Variants in CPNE9 observed in about 807,000 individuals in gnomAD.
The protein encoded by CPNE9 is copine-9.
Under a neutral mutation model 83.0 loss-of-function variants are expected in CPNE9, and 59 were observed. The observed-to-expected ratio is 0.71, with a 90% CI of 0.58 to 0.88. CPNE9 has a LOEUF of 0.88. Ranked by LOEUF, CPNE9 falls within the 40% of genes least tolerant of loss-of-function variation. CPNE9 has a pLI of 0.00. For synonymous variants in CPNE9, 256 were observed against 273.4 expected (o/e 0.94, Z 0.63); for missense variants, 619 against 720.8 (o/e 0.86, Z 1.62).
Position 9,715,496 on chromosome 3 carries a change from TAAG to T in CPNE9, c.801_803del (p.Lys268del), listed in dbSNP as rs752381863. The T allele has an allele frequency of 1.8e-5, 29 of 1,614,026 alleles. No individual in the cohort carries two copies. The highest frequency in any genetic ancestry group is 2.7e-5 in the African/African-American group (2 of 75,028). Reference sequence around the variant, plus strand: ...AGGTTCTTAACCCTCGGAAGAAATGTAAGAAGAAGAAATATGTCAACTCAGGAA... The same window carrying T: ...AGGTTCTTAACCCTCGGAAGAAATGTAAGAAGAAATATGTCAACTCAGGAA... On this transcript the variant is annotated inframe_deletion, in exon 13 of 21. Transcript: ENST00000383832.
At chr3:9,727,261 T>C in intron 20 of CPNE9, 75 bp downstream of exon 20, 4 of 1,462,866 alleles carry the variant, frequency 2.7e-6, no homozygotes, top group Non-Finnish European at 2.9e-6. Flanking sequence ...CCACTTTCAC[T>C]TACTGCCTTC....
chr3:9,710,625 G>A (rs1232901771), intron 7 of CPNE9, among the ~76,000 whole-genome samples: 1 of 152,186 alleles, frequency 6.6e-6, no homozygotes, highest in Non-Finnish European at 1.5e-5. Context: ...AGACAAGTTC[G>A]CATAATTGTG....
In CPNE9 at chr3:9,729,677, T is replaced by G. The variant is rs1376606123; in HGVS notation, c.1647T>G (p.Ala549=). 12 of 1,612,890 alleles carry G rather than the reference T, an allele frequency of 7.4e-6. No individual in the cohort carries two copies. In the East Asian group the frequency reaches 2.2e-4, roughly 30 times the overall value. ...PPPANPSPIP[A]PEQP ...CTGCCAACCCCAGCCCGATCCCAGCTCCAGAGCAGCCCTGAGGATTCCACA... is the reference window on the plus strand; with the variant it reads ...CTGCCAACCCCAGCCCGATCCCAGCGCCAGAGCAGCCCTGAGGATTCCACA... Residue 549 remains alanine (A), a synonymous_variant, in exon 21 of 21, where the codon GCT becomes GCG. Transcript: ENST00000383832.
At chr3:9,707,906 A>G (rs7644974) in intron 7 of CPNE9, among the ~76,000 whole-genome samples, 17,258 of 152,062 alleles carry the variant, frequency 0.11, 1,841 homozygotes, top group African/African-American at 0.27. Flanking sequence ...TTAGACATCC[A>G]AGTGGAGGTA....
chr3:9,703,894 C>G lies in CPNE9; in HGVS notation c.-103C>G. On this transcript the variant is annotated 5_prime_UTR_variant, in exon 1 of 21. Transcript: ENST00000383832. ...CTGGAGCGAGTGCAGCCGCCGCCGCCGCCGACACCGCGGCACATGGGCCGG... is the reference window on the plus strand; with the variant it reads ...CTGGAGCGAGTGCAGCCGCCGCCGCGGCCGACACCGCGGCACATGGGCCGG... 1 of 976,476 alleles carries G rather than the reference C, an allele frequency of 1.0e-6. No homozygotes were observed. Among genetic ancestry groups the G allele is most frequent in the Non-Finnish European group, 1.4e-6 (1 of 697,374 alleles). 60.5% of individuals were successfully genotyped at this position (976,476 alleles called of 1,614,324 possible). A position where few individuals can be genotyped will look rare whatever the true frequency, so the allele number is the denominator to read the frequency against.
At chr3:9,726,581 CACAT>C (rs2076786870) in intron 18 of CPNE9, 80 bp from the exon 19 acceptor site, 9 of 1,037,806 alleles carry the variant, frequency 8.7e-6, no homozygotes, top group Non-Finnish European at 1.4e-5. Flanking sequence ...AACCATGACA[CACAT>C]ACACAGAGAA....
intron 6 of CPNE9, 119 bp from the exon 7 acceptor site, chr3:9,705,868 C>T (rs2076558961): frequency 1.5e-6 from 2 of 1,356,990 alleles, no homozygotes; most frequent in Non-Finnish European, 1.0e-6. Flanking sequence ...AGGGCCGTGG[C>T]TCTTGCACCA....
chr3:9,726,480 T>C (rs1211660482), intron 18 of CPNE9, among the ~76,000 whole-genome samples, 185 bp from the exon 19 acceptor site: 2 of 152,172 alleles, frequency 1.3e-5, no homozygotes, highest in Non-Finnish European at 2.9e-5. Context: ...GAAAATACTA[T>C]ATCTTTCAAG....
chr3:9,705,984 T>A lies in CPNE9; in HGVS notation c.301-3T>A. On this transcript the variant is annotated splice_polypyrimidine_tract_variant and splice_region_variant and intron_variant, in intron 6 of 20. Coordinates refer to ENST00000383832, the MANE Select transcript of CPNE9 (RefSeq NM_153635.3). ...GGTCTTGCTGACTCCTTGTCCTGCA[T>A]AGGATTTCCTGGGACAAGCGTTCCT... 1 of 1,613,248 alleles carries A rather than the reference T, an allele frequency of 6.2e-7. No individual in the cohort carries two copies. The highest frequency in any genetic ancestry group is 8.5e-7 in the Non-Finnish European group (1 of 1,179,952).
intron 7 of CPNE9, among the ~76,000 whole-genome samples, chr3:9,708,877 G>C (rs184907): frequency 6.6e-6 from 1 of 151,344 alleles, no homozygotes; most frequent in African/African-American, 2.4e-5. Flanking sequence ...CTCATGATCC[G>C]CCCGCCTCGG....
At chr3:9,720,346 G>T (rs942953266) in intron 17 of CPNE9, among the ~76,000 whole-genome samples, 2 of 151,930 alleles carry the variant, frequency 1.3e-5, no homozygotes, top group Admixed American at 6.6e-5. Context: ...TATGTCCATA[G>T]ACTTTTTCCC....
intron 15 of CPNE9, 73 bp from the exon 16 acceptor site, chr3:9,717,956 C>T: frequency 2.3e-6 from 3 of 1,304,438 alleles, no homozygotes; most frequent in Non-Finnish European, 3.2e-6. Flanking sequence ...TGGATGAATG[C>T]ACACAAAGAT....
intron 7 of CPNE9, among the ~76,000 whole-genome samples, chr3:9,712,238 G>A (rs994294529): frequency 6.6e-6 from 1 of 152,198 alleles, no homozygotes; most frequent in Non-Finnish European, 1.5e-5. Flanking sequence ...GGCCGAGGAA[G>A]GGTAAATAAC....
chr3:9,725,632 A>G (rs1184771004), intron 17 of CPNE9, among the ~76,000 whole-genome samples: 3 of 128,066 alleles, frequency 2.3e-5, no homozygotes, highest in African/African-American at 6.5e-5. Context: ...ATATATATGT[A>G]TATACATGTA....
intron 10 of CPNE9, among the ~76,000 whole-genome samples, chr3:9,714,171 T>C (rs2076656409): frequency 6.6e-6 from 1 of 152,164 alleles, no homozygotes; most frequent in Non-Finnish European, 1.5e-5. Flanking sequence ...GTTATGCTGA[T>C]GAATGGATAA....
chr3:9,709,906 C>T, intron 7 of CPNE9, among the ~76,000 whole-genome samples: 1 of 150,240 alleles, frequency 6.7e-6, no homozygotes. Context: ...AGGAGAATCA[C>T]TTGAACCCAG....
intron 7 of CPNE9, among the ~76,000 whole-genome samples, chr3:9,706,562 A>T (rs568289670): frequency 6.6e-6 from 1 of 152,354 alleles, no homozygotes; most frequent in South Asian, 2.1e-4. Flanking sequence ...AACAAAACAA[A>T]GGTTCTTGTC....
At chr3:9,714,682 C>CA (rs1384741597) in intron 10 of CPNE9, among the ~76,000 whole-genome samples, 3 of 95,290 alleles carry the variant, frequency 3.1e-5, no homozygotes, top group African/African-American at 9.3e-5. Flanking sequence ...ACCAAACAAA[C>CA]AAAAAAAGTA....
intron 7 of CPNE9, among the ~76,000 whole-genome samples, chr3:9,711,565 A>C (rs2076629490): frequency 6.6e-6 from 1 of 152,156 alleles, no homozygotes; most frequent in African/African-American, 2.4e-5. Flanking sequence ...TGCAAAGCAC[A>C]AAGAGTCAAA....
Sources: allele counts gnomAD v4.1 joint callset (sites outside exome capture counted in the v4.1 genomes callset), GRCh38; gene constraint gnomAD v4.1.1; transcripts MANE v1.5; gene names NCBI Gene and HGNC (gene_info 2026-07-23, HGNC 2026-07-21).